Variants in CDH4 observed in about 807,000 individuals in gnomAD.
CDH4 encodes the protein cadherin-4.
In CDH4, 33 loss-of-function variants were observed where a neutral mutation model predicts 86.0. The ratio of observed to expected loss-of-function variants is 0.38; its 90% confidence interval spans 0.29 to 0.51. CDH4 has a LOEUF of 0.51. Ranked by LOEUF, CDH4 falls within the 20% of genes least tolerant of loss-of-function variation. The pLI is 0.86. For synonymous variants in CDH4, 555 were observed against 549.4 expected, an observed-to-expected ratio of 1.01 and a Z score of -0.14; for missense variants, 1,114 against 1,307.4, an observed-to-expected ratio of 0.85 and a Z score of 2.28.
chr20:61,282,908 CGT>C (rs1267233075), intron 2 of CDH4, among the ~76,000 whole-genome samples: 15 of 77,698 alleles, frequency 1.9e-4, no homozygotes, highest in South Asian at 4.6e-4. Context: ...TGTGCTGTGG[CGT>C]GTGTGATGTA....
At chr20:61,873,949 G>GCAGGAAACCCA in intron 7 of CDH4, 49 bp downstream of exon 7, 1 of 1,594,402 alleles carries the variant, frequency 6.3e-7, no homozygotes, top group Non-Finnish European at 8.6e-7. Context: ...CCTGGTCCCC[G>GCAGGAAACCCA]CAGGACACCC....
chr20:61,351,892 T>G (rs1350287816), intron 2 of CDH4, among the ~76,000 whole-genome samples: 3 of 152,092 alleles, frequency 2.0e-5, no homozygotes. Context: ...AATTTTTGTA[T>G]TTTTAGTAGA....
chr20:61,806,545 A>ACGCG (rs1980138786), intron 4 of CDH4, among the ~76,000 whole-genome samples: 1 of 142,498 alleles, frequency 7.0e-6, no homozygotes, highest in South Asian at 2.3e-4. Flanking sequence ...ACACATGTCC[A>ACGCG]CGCGCACGCA....
intron 2 of CDH4, among the ~76,000 whole-genome samples, chr20:61,721,120 G>A (rs942848141): frequency 6.6e-6 from 1 of 152,194 alleles, no homozygotes; most frequent in African/African-American, 2.4e-5. Flanking sequence ...CGCACAGTGG[G>A]ACTCAGTGAC....
chr20:61,292,951 T>A (rs1241979521), intron 2 of CDH4, among the ~76,000 whole-genome samples: 1 of 152,152 alleles, frequency 6.6e-6, no homozygotes, highest in Non-Finnish European at 1.5e-5. Flanking sequence ...CTGTTTCAGA[T>A]GCTGTCAGCA....
rs892735010 is a variant in CDH4 at position 61,899,564 on chromosome 20, A to G, written c.1188+4517A>G. On this transcript the variant is annotated intron_variant, in intron 8 of 15. Transcript: ENST00000614565. Reference sequence around the variant, plus strand: ...TACCTCAGCCTCCCGAGTAGCTGGAACTACAGGCGCCTGCCACCACGCCCG... The same window carrying G: ...TACCTCAGCCTCCCGAGTAGCTGGAGCTACAGGCGCCTGCCACCACGCCCG... Among the ~76,000 whole-genome samples the G allele has an allele frequency of 3.2e-4, 48 of 152,064 alleles. 1 individual carries two copies. The highest frequency in any genetic ancestry group is 6.8e-4 in the Non-Finnish European group (46 of 68,018).
At chr20:61,830,301 G>T (rs983115554) in intron 4 of CDH4, among the ~76,000 whole-genome samples, 1 of 152,130 alleles carries the variant, frequency 6.6e-6, no homozygotes, top group African/African-American at 2.4e-5. Context: ...GTCCTGCGTG[G>T]AACATACTCA....
At chr20:61,933,247 GC>G in intron 14 of CDH4, 123 bp downstream of exon 14, 4 of 1,265,504 alleles carry the variant, frequency 3.2e-6, no homozygotes, top group South Asian at 1.4e-5. Context: ...CAGTGAAGGT[GC>G]CAGGCAGGGG....
rs1311016141 is a variant in CDH4 at position 61,518,145 on chromosome 20, C to T, written c.170-225418C>T. Among the ~76,000 whole-genome samples the T allele has an allele frequency of 1.3e-5, 2 of 152,242 alleles. No individual in the cohort carries two copies. Among genetic ancestry groups the T allele is most frequent in the Non-Finnish European group, 2.9e-5 (2 of 68,044 alleles). On this transcript the variant is annotated intron_variant, in intron 2 of 15. Coordinates refer to ENST00000614565, the MANE Select transcript of CDH4 (RefSeq NM_001794.5). This position sits in a 1 kb window ranked among gnomAD's most constrained non-coding sequence, Gnocchi z 6.3. ...GCAAGGGTTTAGTGCTCATTCTTCA[C>T]TCACTGTGTCTGGGACACTAGGTGG...
rs1354213225 is a variant in CDH4, at chr20:61,732,696, C to T, written c.170-10867C>T. 1.3e-5 allele frequency among the ~76,000 whole-genome samples: 2 copies of T among 152,232 alleles called. 1 individual carries two copies. Among genetic ancestry groups the T allele is most frequent in the South Asian group, 4.1e-4 (2 of 4,826 alleles). The stretch of plus-strand genomic sequence containing the variant: ...CTGCCAGCTCATCACGCATGGTCCC[C>T]CACTAGACAGCTTCCCGGGGGAGGA... On this transcript the variant is annotated intron_variant, in intron 2 of 15. Transcript: ENST00000614565.
intron 7 of CDH4, among the ~76,000 whole-genome samples, chr20:61,889,322 ATGG>A (rs1984682999): frequency 2.0e-5 from 3 of 150,550 alleles, no homozygotes; most frequent in East Asian, 4.0e-4. Flanking sequence ...GGATGGATGG[ATGG>A]ATGGATGGAT....
intron 2 of CDH4, among the ~76,000 whole-genome samples, chr20:61,743,246 G>A (rs1336750175): frequency 2.0e-5 from 3 of 152,236 alleles, no homozygotes; most frequent in Non-Finnish European, 2.9e-5. Context: ...CCACTGTGCC[G>A]CTCACAGACT....
chr20:61,752,188 T>C (rs983347773), intron 3 of CDH4, among the ~76,000 whole-genome samples: 7 of 151,970 alleles, frequency 4.6e-5, no homozygotes, highest in African/African-American at 1.7e-4. Flanking sequence ...AAAAATTAGC[T>C]AGGCATGGTG....
intron 9 of CDH4, among the ~76,000 whole-genome samples, chr20:61,912,098 G>A (rs1253278709): frequency 6.6e-6 from 1 of 152,158 alleles, no homozygotes; most frequent in Non-Finnish European, 1.5e-5. Flanking sequence ...TAGAGCACCA[G>A]CCATTACGAG....
intron 2 of CDH4, among the ~76,000 whole-genome samples, chr20:61,605,343 C>CTCCCTATTTGTCTT (rs2086635002): frequency 7.6e-6 from 1 of 131,784 alleles, no homozygotes; most frequent in Non-Finnish European, 1.7e-5. Context: ...CTCTGTGTGT[C>CTCCCTATTTGTCTT]TCTCTCTGTC....
In CDH4 at chr20:61,464,465, C is replaced by T. The variant is rs2145562257; in HGVS notation, c.169+209528C>T. Among the ~76,000 whole-genome samples the T allele has an allele frequency of 1.3e-5, 2 of 152,296 alleles. 1 individual carries two copies. The highest frequency in any genetic ancestry group is 4.1e-4 in the South Asian group (2 of 4,826). On this transcript the variant is annotated intron_variant, in intron 2 of 15. Transcript: ENST00000614565. Reference sequence around the variant, plus strand: ...TGACAGTCCAATGCCCGGCTATAGACCAGAATAGCTTCGTTTATCATTACC... The same window carrying T: ...TGACAGTCCAATGCCCGGCTATAGATCAGAATAGCTTCGTTTATCATTACC...
intron 2 of CDH4, among the ~76,000 whole-genome samples, chr20:61,491,207 TA>T (rs2085624055): frequency 6.6e-6 from 1 of 152,254 alleles, no homozygotes; most frequent in Non-Finnish European, 1.5e-5. Flanking sequence ...AGCCCAAAGA[TA>T]GCACACTGGT....
chr20:61,849,547 C>T (rs938819686), intron 5 of CDH4, among the ~76,000 whole-genome samples: 1 of 152,134 alleles, frequency 6.6e-6, no homozygotes, highest in African/African-American at 2.4e-5. Flanking sequence ...TGCCTCTAGG[C>T]TCACCGGCCT....
chr20:61,856,602 T>C (rs12480379), intron 6 of CDH4, among the ~76,000 whole-genome samples: 43 of 111,242 alleles, frequency 3.9e-4, no homozygotes, highest in East Asian at 3.5e-4. Context: ...CTAGAATCCA[T>C]GAGGGTCCTG....
Sources: gnomAD v4.1 joint callset for allele counts (sites outside exome capture counted in the v4.1 genomes callset) on GRCh38, gnomAD v4.1.1 for gene constraint, Gnocchi (gnomAD v3.1) non-coding constraint, MANE v1.5 for transcripts, NCBI Gene and HGNC (gene_info 2026-07-23, HGNC 2026-07-21) for gene names.